LARGE1: variants seen among roughly 807,000 people sequenced by gnomAD.
LARGE1 encodes the protein xylosyl- and glucuronyltransferase LARGE1.
Under a neutral mutation model 87.6 loss-of-function variants are expected in LARGE1, and 43 were observed. The ratio of observed to expected loss-of-function variants is 0.49; its 90% confidence interval spans 0.38 to 0.63. The LOEUF (loss-of-function observed/expected upper bound fraction) is 0.63, where lower values mean the gene tolerates loss of function less well. Among genes scored for constraint, LARGE1 ranks in the 30% least tolerant of loss-of-function variants. The pLI is 0.00. For missense variants in LARGE1, 802 were observed against 1,000.2 expected (o/e 0.80, Z 2.67); for synonymous variants, 434 against 394.6 (o/e 1.10, Z -1.18).
At chr22:33,626,180 C>G (rs2079914824) in intron 4 of LARGE1, 64 bp downstream of exon 4, 1 of 1,445,602 alleles carries the variant, frequency 6.9e-7, no homozygotes. Flanking sequence ...TAACCCTTCC[C>G]CAAGGAAATA....
At chr22:33,692,926 A>T (rs1347282536) in intron 2 of LARGE1, among the ~76,000 whole-genome samples, 1 of 152,204 alleles carries the variant, frequency 6.6e-6, no homozygotes, top group Non-Finnish European at 1.5e-5. Flanking sequence ...ACATCATTCT[A>T]TTATAAAGAC....
downstream of LARGE1, among the ~76,000 whole-genome samples, chr22:33,161,979 T>C (rs954205080): frequency 6.6e-6 from 1 of 152,210 alleles, no homozygotes; most frequent in Non-Finnish European, 1.5e-5. Context: ...TCATTGTCCA[T>C]ATCACTATCA....
chr22:33,818,356 C>A (rs189277312), intron 1 of LARGE1, among the ~76,000 whole-genome samples: 63 of 152,306 alleles, frequency 4.1e-4, no homozygotes, highest in Middle Eastern at 3.4e-3. Context: ...TCAACTCACT[C>A]AGGGATGTCT....
chr22:33,113,599 C>G, the LARGE1 span, among the ~76,000 whole-genome samples: 24 of 152,194 alleles, frequency 1.6e-4, no homozygotes, highest in Admixed American at 6.5e-5. Context: ...AAGTGACTTG[C>G]CCAGAGTTGC....
At chr22:33,901,083 G>A (rs1281950458) in intron 1 of LARGE1, among the ~76,000 whole-genome samples, 1 of 152,118 alleles carries the variant, frequency 6.6e-6, no homozygotes. Flanking sequence ...TGCACACAGA[G>A]ACATGTACAG....
At chr22:33,721,897 G>A (rs1459025417) in intron 2 of LARGE1, among the ~76,000 whole-genome samples, 3 of 152,012 alleles carry the variant, frequency 2.0e-5, no homozygotes, top group African/African-American at 7.2e-5. Flanking sequence ...CTTTATTTTT[G>A]TCTTTGGTAT....
At chr22:33,662,373 T>C (rs2081152520) in intron 2 of LARGE1, among the ~76,000 whole-genome samples, 1 of 152,152 alleles carries the variant, frequency 6.6e-6, no homozygotes, top group African/African-American at 2.4e-5. Context: ...TCAGTGAGGA[T>C]GGACTTGACT....
intron 1 of LARGE1, among the ~76,000 whole-genome samples, chr22:33,866,414 C>G (rs546878703): frequency 6.6e-6 from 1 of 152,326 alleles, no homozygotes; most frequent in South Asian, 2.1e-4. Flanking sequence ...TACTCAGTAA[C>G]TACCCATGTC....
chr22:33,786,517 T>C (rs2085645548), intron 1 of LARGE1, among the ~76,000 whole-genome samples: 1 of 152,162 alleles, frequency 6.6e-6, no homozygotes, highest in African/African-American at 2.4e-5. Flanking sequence ...ATTCCAACCT[T>C]ATAAAGAGGT....
chr22:33,122,805 G>A, the LARGE1 span, among the ~76,000 whole-genome samples: 2 of 152,106 alleles, frequency 1.3e-5, no homozygotes, highest in Non-Finnish European at 2.9e-5. Context: ...CTTGCATAAA[G>A]CCAAATTGGA....
At position 33,642,455 on chromosome 22, in the gene LARGE1, C is replaced by A. The variant is rs1008041971; in HGVS notation, c.408+7912G>T. The stretch of plus-strand genomic sequence containing the variant: ...CATACCAAATTATAAAGATCAATGA[C>A]ATTATGAAGAAACTGCATCAACTAA... On this transcript the variant is annotated intron_variant, in intron 3 of 14. Transcript: ENST00000397394. 3.3e-5 allele frequency among the ~76,000 whole-genome samples: 5 copies of A among 152,010 alleles called. No homozygotes were observed. The East Asian group carries it at 9.6e-4, about 29-fold the overall frequency.
intron 1 of LARGE1, among the ~76,000 whole-genome samples, chr22:33,900,866 G>A (rs2065263889): frequency 6.6e-6 from 1 of 152,134 alleles, no homozygotes; most frequent in African/African-American, 2.4e-5. Context: ...GCCCAACATG[G>A]CGAAACCCCG....
intron 1 of LARGE1, among the ~76,000 whole-genome samples, chr22:33,768,434 G>A (rs7291428): frequency 1.8e-5 from 2 of 110,646 alleles, no homozygotes; most frequent in Non-Finnish European, 3.8e-5. Context: ...CAACGCGCGC[G>A]CTCACACACA....
At chr22:33,152,953 T>G in the LARGE1 span, among the ~76,000 whole-genome samples, 1 of 152,192 alleles carries the variant, frequency 6.6e-6, no homozygotes, top group Non-Finnish European at 1.5e-5. Flanking sequence ...GTGTTTACTT[T>G]GCTATATTCT....
chr22:33,793,241 G>A (rs1266715724), intron 1 of LARGE1, among the ~76,000 whole-genome samples: 2 of 152,092 alleles, frequency 1.3e-5, no homozygotes, highest in Admixed American at 6.6e-5. Flanking sequence ...GGATCACAAC[G>A]GGGCTGTCAA....
the LARGE1 span, among the ~76,000 whole-genome samples, chr22:33,089,971 T>TAA: frequency 1.5e-4 from 22 of 150,108 alleles, no homozygotes; most frequent in East Asian, 5.9e-4. Context: ...ATGAAATGAT[T>TAA]AAAAAAAAAA....
chr22:33,861,231 A>C (rs553076415), intron 1 of LARGE1, among the ~76,000 whole-genome samples: 1 of 152,224 alleles, frequency 6.6e-6, no homozygotes, highest in African/African-American at 2.4e-5. Flanking sequence ...ATCTGAGAGG[A>C]GGTAACAGCT....
chr22:33,355,916 T>C lies in LARGE1; in HGVS notation c.1132-18115A>G, dbSNP rs192777789. Among the ~76,000 whole-genome samples, 267 of 152,266 alleles carry C rather than the reference T, an allele frequency of 1.8e-3. 3 individuals carry two copies. The highest frequency in any genetic ancestry group is 1.2e-4 in the Non-Finnish European group (8 of 68,028). On this transcript the variant is annotated intron_variant, in intron 9 of 14. Coordinates refer to ENST00000397394, the MANE Select transcript of LARGE1 (RefSeq NM_133642.5). ...TCAAAGGGGAGTCTTTCCTGTGTGT[T>C]GATATAAAATAGATGTGGGAAATGC...
intron 6 of LARGE1, among the ~76,000 whole-genome samples, chr22:33,537,274 G>A (rs576777526): frequency 6.6e-6 from 1 of 152,248 alleles, no homozygotes; most frequent in Non-Finnish European, 1.5e-5. Context: ...GGCAGGGCTG[G>A]TTCCCTGCGG....
Sources: gnomAD v4.1 joint callset for allele counts (sites outside exome capture counted in the v4.1 genomes callset) on GRCh38, gnomAD v4.1.1 for gene constraint, MANE v1.5 for transcripts, NCBI Gene and HGNC (gene_info 2026-07-23, HGNC 2026-07-21) for gene names.